CLSTN2: variants seen among roughly 807,000 people sequenced by gnomAD.
The protein encoded by CLSTN2 is calsyntenin 2, also known as calsyntenin-2.
CLSTN2 carries 48 observed loss-of-function variants against 101.2 expected under a neutral mutation model. The observed-to-expected ratio is 0.47, with a 90% CI of 0.38 to 0.60. CLSTN2 has a LOEUF of 0.60. Ranked by LOEUF, CLSTN2 falls within the 20% of genes least tolerant of loss-of-function variation. The pLI, the probability that CLSTN2 is intolerant of heterozygous loss-of-function variation, is 0.00. For synonymous variants in CLSTN2, 481 were observed against 463.6 expected, an observed-to-expected ratio of 1.04 and a Z score of -0.48; for missense variants, 1,160 against 1,238.2, an observed-to-expected ratio of 0.94 and a Z score of 0.95.
chr3:140,262,855 G>A (rs967722738), intron 2 of CLSTN2, among the ~76,000 whole-genome samples: 16 of 152,134 alleles, frequency 1.1e-4, no homozygotes, highest in African/African-American at 3.9e-4. Context: ...AAGAAGTATG[G>A]CAAAGAAAAT....
At chr3:140,160,154 C>G (rs2010022827) in intron 1 of CLSTN2, among the ~76,000 whole-genome samples, 1 of 151,892 alleles carries the variant, frequency 6.6e-6, no homozygotes, top group South Asian at 2.1e-4. Context: ...CCCCGTGTAT[C>G]TAAAATAAAA....
chr3:140,447,375 T>G (rs1476222309), intron 5 of CLSTN2, among the ~76,000 whole-genome samples: 1 of 152,176 alleles, frequency 6.6e-6, no homozygotes, highest in African/African-American at 2.4e-5. Flanking sequence ...ATGCCCGCTG[T>G]GGGAGGCAAA....
intron 1 of CLSTN2, among the ~76,000 whole-genome samples, chr3:140,152,995 G>T (rs2009890834): frequency 6.6e-6 from 1 of 152,202 alleles, no homozygotes; most frequent in South Asian, 2.1e-4. Flanking sequence ...GAGCCTCATT[G>T]GCTGTGGAGC....
At chr3:140,544,237 C>T (rs985545578) in intron 9 of CLSTN2, among the ~76,000 whole-genome samples, 10 of 152,254 alleles carry the variant, frequency 6.6e-5, no homozygotes, top group African/African-American at 2.4e-4. Context: ...TTGCAGCACT[C>T]AGCCCCTAAC....
intron 8 of CLSTN2, among the ~76,000 whole-genome samples, chr3:140,502,552 T>C (rs914655493): frequency 6.6e-6 from 1 of 152,234 alleles, no homozygotes; most frequent in East Asian, 1.9e-4. Context: ...TTGTCTAAAG[T>C]AATCGTGAAT....
In CLSTN2 at chr3:140,465,704, A is replaced by G. The variant is rs565588017; in HGVS notation, c.1223-906A>G. ...GATAATCCAGCTTCAATGTCATGAT[A>G]TAGTTAAGGAAACTGAAGCTCTGAG... is the stretch of plus-strand genomic sequence containing the variant. On this transcript the variant is annotated intron_variant, in intron 7 of 16. Transcript: ENST00000458420. 3.9e-5 allele frequency among the ~76,000 whole-genome samples: 6 copies of G among 152,348 alleles called. 1 individual carries two copies. In the South Asian group the frequency reaches 1.2e-3, roughly 32 times the overall value.
chr3:139,990,300 T>C (rs976485610), intron 1 of CLSTN2, among the ~76,000 whole-genome samples: 2 of 152,188 alleles, frequency 1.3e-5, no homozygotes, highest in East Asian at 3.8e-4. Flanking sequence ...GCTGCCATGA[T>C]ATGCTGGATG....
At chr3:140,402,090 A>G (rs955736186) in intron 2 of CLSTN2, among the ~76,000 whole-genome samples, 2 of 152,242 alleles carry the variant, frequency 1.3e-5, no homozygotes, top group African/African-American at 4.8e-5. Flanking sequence ...TTGAGGATCA[A>G]TGAAATTCTT....
At chr3:140,385,417 G>A (rs950952551) in intron 2 of CLSTN2, among the ~76,000 whole-genome samples, 5 of 142,942 alleles carry the variant, frequency 3.5e-5, no homozygotes, top group African/African-American at 1.3e-4. Flanking sequence ...CGCCCAGGCT[G>A]GAGTGCAGTG....
In CLSTN2 at chr3:140,471,989, A is replaced by G. The variant is rs1933859879; in HGVS notation, c.1344+5258A>G. Reference sequence around the variant, plus strand: ...TATGTTGATACAAGAAAGCCACACAATAATGTGTCTGAGAAGTTTGGATCC... The same window carrying G: ...TATGTTGATACAAGAAAGCCACACAGTAATGTGTCTGAGAAGTTTGGATCC... On this transcript the variant is annotated intron_variant, in intron 8 of 16. Transcript: ENST00000458420. Among the ~76,000 whole-genome samples, 8 of 152,318 alleles carry G rather than the reference A, an allele frequency of 5.3e-5. 1 individual carries two copies. In the South Asian group the frequency reaches 1.7e-3, roughly 32 times the overall value.
chr3:139,986,669 T>C (rs1309845834), intron 1 of CLSTN2, among the ~76,000 whole-genome samples: 1 of 152,206 alleles, frequency 6.6e-6, no homozygotes, highest in Non-Finnish European at 1.5e-5. Context: ...TTTATGGACT[T>C]TTCATTGTGG....
intron 2 of CLSTN2, among the ~76,000 whole-genome samples, chr3:140,280,042 G>T (rs913934748): frequency 1.3e-5 from 2 of 152,156 alleles, no homozygotes; most frequent in Non-Finnish European, 2.9e-5. Context: ...TCAACTCTTT[G>T]CTTACAGCCC....
chr3:140,273,747 T>C (rs1386826712), intron 2 of CLSTN2, among the ~76,000 whole-genome samples: 2 of 152,122 alleles, frequency 1.3e-5, no homozygotes, highest in East Asian at 1.9e-4. Context: ...TACTGACTCA[T>C]AGTGGTGGAT....
intron 8 of CLSTN2, among the ~76,000 whole-genome samples, chr3:140,491,226 A>G (rs1489871972): frequency 6.6e-6 from 1 of 152,170 alleles, no homozygotes; most frequent in African/African-American, 2.4e-5. Flanking sequence ...TGATCTTTCT[A>G]AAAACCACCA....
intron 1 of CLSTN2, among the ~76,000 whole-genome samples, chr3:140,086,303 G>A (rs2008679980): frequency 6.6e-6 from 1 of 152,226 alleles, no homozygotes; most frequent in African/African-American, 2.4e-5. Context: ...TGTGCATGCT[G>A]TAGTGCATAG....
rs540933497 is a variant in CLSTN2 at position 140,054,818 on chromosome 3, G to A, written c.109+119335G>A. Reference sequence around the variant, plus strand: ...TTGGGGTAGGAAAAAGGAGAAGGGAGTTTGGGAGAAAAACTTAAAGCTGAT... The same window carrying A: ...TTGGGGTAGGAAAAAGGAGAAGGGAATTTGGGAGAAAAACTTAAAGCTGAT... On this transcript the variant is annotated intron_variant, in intron 1 of 16. Coordinates refer to ENST00000458420, the MANE Select transcript of CLSTN2 (RefSeq NM_022131.3). Among the ~76,000 whole-genome samples, 7 of 152,312 alleles carry A rather than the reference G, an allele frequency of 4.6e-5. No homozygotes were observed. The South Asian group carries it at 1.2e-3, about 27-fold the overall frequency.
At chr3:140,411,539 G>C (rs1467806299) in intron 4 of CLSTN2, among the ~76,000 whole-genome samples, 13 of 152,192 alleles carry the variant, frequency 8.5e-5, no homozygotes, top group Non-Finnish European at 2.9e-5. Context: ...GGAAACACTG[G>C]ATTTGAACTG....
intron 1 of CLSTN2, among the ~76,000 whole-genome samples, chr3:140,021,870 A>T (rs1417283132): frequency 6.6e-6 from 1 of 152,238 alleles, no homozygotes; most frequent in Non-Finnish European, 1.5e-5. Context: ...GAATGTTAAC[A>T]ATAAGATGAT....
At chr3:140,404,485 C>T (rs2088280745) in intron 3 of CLSTN2, 73 bp from the exon 4 acceptor site, 2 of 1,385,134 alleles carry the variant, frequency 1.4e-6, no homozygotes, top group South Asian at 1.2e-5. Flanking sequence ...TCAGTCAGTG[C>T]CCCCAGGAGG....
Sources: gnomAD v4.1 joint callset for allele counts (sites outside exome capture counted in the v4.1 genomes callset) on GRCh38, gnomAD v4.1.1 for gene constraint, MANE v1.5 for transcripts, NCBI Gene and HGNC (gene_info 2026-07-23, HGNC 2026-07-21) for gene names.